The following MAP2K5 variants were observed in gnomAD, a reference collection of about 807,000 sequenced individuals.
MAP2K5 encodes dual specificity mitogen-activated protein kinase kinase 5.
In MAP2K5, 49 loss-of-function variants were observed where a neutral mutation model predicts 83.1. That is an observed-to-expected ratio of 0.59 (90% confidence interval 0.47 to 0.75). MAP2K5 has a LOEUF of 0.75. MAP2K5 is among the 30% of genes least tolerant of loss of function. MAP2K5 has a pLI of 0.00. For missense variants in MAP2K5, 457 were observed against 557.5 expected (o/e 0.82, Z 1.82); for synonymous variants, 202 against 191.8 (o/e 1.05, Z -0.44).
At chr15:67,772,570 A>G in intron 20 of MAP2K5, 137 bp from the exon 21 acceptor site, 5 of 495,596 alleles carry the variant, frequency 1.0e-5, no homozygotes, top group Non-Finnish European at 1.8e-5. Flanking sequence ...AATATATGCT[A>G]ATACTTTGGC....
chr15:67,680,257 G>A (rs1567356230), intron 13 of MAP2K5, among the ~76,000 whole-genome samples: 1 of 152,098 alleles, frequency 6.6e-6, no homozygotes, highest in Non-Finnish European at 1.5e-5. Context: ...TCCACTTTGG[G>A]ACGATTATGA....
In MAP2K5 at chr15:67,572,763, G is replaced by A. The variant is rs1401091980; in HGVS notation, c.253-7991G>A. On this transcript the variant is annotated intron_variant, in intron 3 of 21. Transcript: ENST00000178640. This position sits in a 1 kb window ranked among gnomAD's most constrained non-coding sequence, Gnocchi z 4.2. Reference sequence around the variant, plus strand: ...TGCCCAGGCTGGAGTGCAGTGGTTCGATCTTGGCTCACTGCAAACTCACCT... The same window carrying A: ...TGCCCAGGCTGGAGTGCAGTGGTTCAATCTTGGCTCACTGCAAACTCACCT... 6.6e-6 allele frequency among the ~76,000 whole-genome samples: 1 copy of A among 151,478 alleles called. No homozygotes were observed. Among genetic ancestry groups the A allele is most frequent in the African/African-American group, 2.4e-5 (1 of 41,180 alleles).
chr15:67,643,478 G>A (rs936814270), intron 9 of MAP2K5, among the ~76,000 whole-genome samples: 4 of 144,458 alleles, frequency 2.8e-5, no homozygotes, highest in Admixed American at 2.1e-4. Flanking sequence ...ACAGAGTCTC[G>A]CTCTGTTGCC....
intron 8 of MAP2K5, among the ~76,000 whole-genome samples, chr15:67,611,343 G>T (rs1422917947): frequency 1.3e-5 from 2 of 152,094 alleles, no homozygotes; most frequent in African/African-American, 4.8e-5. Flanking sequence ...TACACCATTT[G>T]TTTCTCCTCT....
chr15:67,645,407 G>A (rs1230265048), intron 9 of MAP2K5, among the ~76,000 whole-genome samples: 1 of 152,020 alleles, frequency 6.6e-6, no homozygotes, highest in African/African-American at 2.4e-5. Flanking sequence ...AAGTCTGGGA[G>A]GCAGAGATTG....
intron 8 of MAP2K5, 138 bp downstream of exon 8, chr15:67,600,887 C>T (rs1183405641): frequency 1.6e-6 from 1 of 610,360 alleles, no homozygotes; most frequent in Non-Finnish European, 2.8e-6. Flanking sequence ...TTCTGCAAGA[C>T]ATCTATTTTC....
chr15:67,575,928 T>TCTTTCTTTCTTTCTTTCTTTC (rs1596583471), intron 3 of MAP2K5, among the ~76,000 whole-genome samples: 21 of 51,306 alleles, frequency 4.1e-4, no homozygotes, highest in African/African-American at 2.0e-3. Flanking sequence ...TTTTTTTTTT[T>TCTTTCTTTCTTTCTTTCTTTC]TTTTTTTTTA....
Position 67,783,622 on chromosome 15 carries a change from G to A in MAP2K5, c.1242+10870G>A, listed in dbSNP as rs1428049292. Among the ~76,000 whole-genome samples the A allele has an allele frequency of 6.6e-6, 1 of 152,180 alleles. No homozygotes were observed. Among genetic ancestry groups the A allele is most frequent in the African/African-American group, 2.4e-5 (1 of 41,438 alleles). Reference sequence around the variant, plus strand: ...TAACTTGTGGTAACAGTCAATAAAAGAGACCACAACCCCTCGAGGAAGAGA... The same window carrying A: ...TAACTTGTGGTAACAGTCAATAAAAAAGACCACAACCCCTCGAGGAAGAGA... On this transcript the variant is annotated intron_variant, in intron 21 of 21. Transcript: ENST00000178640. This position sits in a 1 kb window ranked among gnomAD's most constrained non-coding sequence, Gnocchi z 5.1.
At position 67,600,955 on chromosome 15, in the gene MAP2K5, A is replaced by G. The variant is rs553672644; in HGVS notation, c.545+206A>G. Among the ~76,000 whole-genome samples, 7 of 151,844 alleles carry G rather than the reference A, an allele frequency of 4.6e-5. No homozygotes were observed. The South Asian group carries it at 6.2e-4, about 14-fold the overall frequency. On this transcript the variant is annotated intron_variant, in intron 8 of 21. Transcript: ENST00000178640. ...CCTTTTTAATATTTCCGAGTCTGCA[A>G]CTCTCCTGGGTGTGTAGTTAATAGT...
chr15:67,568,619 T>G (rs2084889272), intron 3 of MAP2K5, among the ~76,000 whole-genome samples: 1 of 152,210 alleles, frequency 6.6e-6, no homozygotes, highest in East Asian at 1.9e-4. Context: ...ATTATAGTCC[T>G]GCTCAGCTTT....
At chr15:67,596,145 T>C (rs1300573606) in intron 7 of MAP2K5, among the ~76,000 whole-genome samples, 2 of 152,186 alleles carry the variant, frequency 1.3e-5, no homozygotes, top group Non-Finnish European at 2.9e-5. Flanking sequence ...AAAAACTTTT[T>C]GTATTTGGCT....
rs1463961515 is a variant in MAP2K5, at chr15:67,758,757, A to G, written c.1134+10156A>G. Among the ~76,000 whole-genome samples the G allele has an allele frequency of 6.6e-6, 1 of 152,228 alleles. No individual in the cohort carries two copies. Among genetic ancestry groups the G allele is most frequent in the Non-Finnish European group, 1.5e-5 (1 of 68,046 alleles). On this transcript the variant is annotated intron_variant, in intron 19 of 21. Coordinates refer to ENST00000178640, the MANE Select transcript of MAP2K5 (RefSeq NM_145160.3). The surrounding 1 kb of genome is among the most constrained non-coding windows in gnomAD (Gnocchi z 4.7). Reference sequence around the variant, plus strand: ...TGGTTTACACAGTGTTTCCTGTCACATTCTTTCCCCACAACACTCTATTTT... The same window carrying G: ...TGGTTTACACAGTGTTTCCTGTCACGTTCTTTCCCCACAACACTCTATTTT...
rs2084690144 is a variant in MAP2K5, at chr15:67,559,399, C to G, written c.185-3884C>G. Among the ~76,000 whole-genome samples the G allele has an allele frequency of 6.6e-6, 1 of 152,174 alleles. No individual in the cohort carries two copies. The highest frequency in any genetic ancestry group is 2.1e-4 in the South Asian group (1 of 4,828). Reference sequence around the variant, plus strand: ...ACTCAGTAGGCCATTGTGACCGCCCCTTACCTGAGGCTGCTTCTCCTCTCT... The same window carrying G: ...ACTCAGTAGGCCATTGTGACCGCCCGTTACCTGAGGCTGCTTCTCCTCTCT... On this transcript the variant is annotated intron_variant, in intron 2 of 21. Transcript: ENST00000178640. The surrounding 1 kb of genome is among the most constrained non-coding windows in gnomAD (Gnocchi z 4.7).
At chr15:67,589,570 G>A (rs576147551) in intron 6 of MAP2K5, among the ~76,000 whole-genome samples, 42 of 152,288 alleles carry the variant, frequency 2.8e-4, no homozygotes, top group Non-Finnish European at 4.4e-4. Flanking sequence ...TAGGAATCAC[G>A]TTTTATTTCT....
Position 67,640,052 on chromosome 15 carries a change from A to T in MAP2K5, c.586-6179A>T, listed in dbSNP as rs2086681681. 6.6e-6 allele frequency among the ~76,000 whole-genome samples: 1 copy of T among 152,190 alleles called. No individual in the cohort carries two copies. Among genetic ancestry groups the T allele is most frequent in the Non-Finnish European group, 1.5e-5 (1 of 68,028 alleles). ...AACTGCCTTGTATTTTGCTGTTAGTATACCTGTACATTTCCCATATTATAT... is the reference window on the plus strand; with the variant it reads ...AACTGCCTTGTATTTTGCTGTTAGTTTACCTGTACATTTCCCATATTATAT... On this transcript the variant is annotated intron_variant, in intron 9 of 21. Transcript: ENST00000178640. This position sits in a 1 kb window ranked among gnomAD's most constrained non-coding sequence, Gnocchi z 4.6.
intron 8 of MAP2K5, among the ~76,000 whole-genome samples, chr15:67,609,590 T>A (rs79966387): frequency 0.049 from 177 of 3,604 alleles, 27 homozygotes; most frequent in Non-Finnish European, 0.13. Context: ...GGTCTGTAGA[T>A]TCTGTAGACC....
chr15:67,774,207 G>GAA lies in MAP2K5; in HGVS notation c.1242+1456_1242+1457dup. Among the ~76,000 whole-genome samples, 1 of 149,340 alleles carries GAA rather than the reference G, an allele frequency of 6.7e-6. No homozygotes were observed. The highest frequency in any genetic ancestry group is 1.5e-5 in the Non-Finnish European group (1 of 67,328). On this transcript the variant is annotated intron_variant, in intron 21 of 21. Coordinates refer to ENST00000178640, the MANE Select transcript of MAP2K5 (RefSeq NM_145160.3). This position sits in a 1 kb window ranked among gnomAD's most constrained non-coding sequence, Gnocchi z 4.9. ...TGTGTGTGTGTGTGTGTGTGTGAGA[G>GAA]AACATAGGTATTTAGATATATCTCT...
chr15:67,733,711 AATG>A (rs1186514920), intron 17 of MAP2K5, among the ~76,000 whole-genome samples: 3 of 152,194 alleles, frequency 2.0e-5, no homozygotes, highest in Non-Finnish European at 4.4e-5. Flanking sequence ...AGCTGAACAA[AATG>A]ATGACATATT....
In MAP2K5 at chr15:67,676,156, G is replaced by A. The variant is rs183276327; in HGVS notation, c.847+11511G>A. Among the ~76,000 whole-genome samples, 29 of 152,246 alleles carry A rather than the reference G, an allele frequency of 1.9e-4. No individual in the cohort carries two copies. Among genetic ancestry groups the A allele is most frequent in the African/African-American group, 6.3e-4 (26 of 41,548 alleles). Reference sequence around the variant, plus strand: ...ATGAGTGTTTGATTCACCAAGCCCCGCAGTTAGCTCTGATCATTGCTTTGT... The same window carrying A: ...ATGAGTGTTTGATTCACCAAGCCCCACAGTTAGCTCTGATCATTGCTTTGT... On this transcript the variant is annotated intron_variant, in intron 13 of 21. Coordinates refer to ENST00000178640, the MANE Select transcript of MAP2K5 (RefSeq NM_145160.3). This position sits in a 1 kb window ranked among gnomAD's most constrained non-coding sequence, Gnocchi z 4.8.
Sources: gnomAD v4.1 joint callset for allele counts (sites outside exome capture counted in the v4.1 genomes callset) on GRCh38, gnomAD v4.1.1 for gene constraint, Gnocchi (gnomAD v3.1) non-coding constraint, MANE v1.5 for transcripts, NCBI Gene and HGNC (gene_info 2026-07-23, HGNC 2026-07-21) for gene names.